CREB5: variants seen among roughly 807,000 people sequenced by gnomAD.
CREB5 encodes the protein cAMP responsive element binding protein 5, also known as cyclic AMP-responsive element-binding protein 5.
In CREB5, 19 loss-of-function variants were observed where a neutral mutation model predicts 57.1. That is an observed-to-expected ratio of 0.33 (90% CI 0.23 to 0.49). The LOEUF is 0.49. Among genes scored for constraint, CREB5 ranks in the 20% least tolerant of loss-of-function variants. The probability of loss-of-function intolerance (pLI) is 0.99; values close to 1 mark genes in which losing one functional copy is unlikely to be tolerated. For missense variants in CREB5, 579 were observed against 671.6 expected (o/e 0.86, Z 1.52); for synonymous variants, 238 against 238.3 (o/e 1.00, Z 0.01).
intron 1 of CREB5, among the ~76,000 whole-genome samples, chr7:28,396,523 A>G (rs867909361): frequency 1.6e-4 from 24 of 152,328 alleles, no homozygotes; most frequent in African/African-American, 5.3e-4. Flanking sequence ...TTCATAAACT[A>G]GTAATATAAT....
chr7:28,507,479 T>C, intron 3 of CREB5, 137 bp from the exon 4 acceptor site: 3 of 1,028,514 alleles, frequency 2.9e-6, no homozygotes, highest in Non-Finnish European at 4.1e-6. Context: ...GTTATGTTAT[T>C]TAAAGGGCCA....
rs1554293251 is a variant in CREB5, at chr7:28,735,113, T to TTTG, written c.702+10783_702+10784insGTT. Among the ~76,000 whole-genome samples, 1,148 of 152,082 alleles carry TTTG rather than the reference T, an allele frequency of 7.5e-3. 11 individuals are homozygous for TTTG. Among genetic ancestry groups the TTTG allele is most frequent in the African/African-American group, 0.027 (1,102 of 41,484 alleles). ...AAATACACTTAATCGTTTTGGTTTT[T>TTTG]TTTGTTTTTTTGTGTGTGGATTTTT... On this transcript the variant is annotated intron_variant, in intron 7 of 10. Coordinates refer to ENST00000357727, the MANE Select transcript of CREB5 (RefSeq NM_182898.4).
chr7:28,773,902 C>G (rs1806476305), intron 7 of CREB5, among the ~76,000 whole-genome samples: 1 of 152,164 alleles, frequency 6.6e-6, no homozygotes, highest in Non-Finnish European at 1.5e-5. Context: ...CATTTCAGTT[C>G]CCATGCCAAC....
At chr7:28,321,123 G>A (rs1785488429) in intron 1 of CREB5, among the ~76,000 whole-genome samples, 1 of 152,180 alleles carries the variant, frequency 6.6e-6, no homozygotes, top group African/African-American at 2.4e-5. Flanking sequence ...AAACACGCTA[G>A]AGCATGTAAA....
At chr7:28,672,581 A>G (rs1800104119) in intron 5 of CREB5, among the ~76,000 whole-genome samples, 1 of 152,200 alleles carries the variant, frequency 6.6e-6, no homozygotes, top group African/African-American at 2.4e-5. Flanking sequence ...GTTAACGGGA[A>G]ATGCCCTGGG....
chr7:28,520,837 CT>C (rs1461811293), intron 4 of CREB5, among the ~76,000 whole-genome samples: 1 of 152,200 alleles, frequency 6.6e-6, no homozygotes, highest in Admixed American at 6.5e-5. Flanking sequence ...TGCACTTTTG[CT>C]TTATTTATGA....
intron 5 of CREB5, among the ~76,000 whole-genome samples, chr7:28,634,459 A>G (rs986273023): frequency 6.6e-6 from 1 of 152,176 alleles, no homozygotes; most frequent in Non-Finnish European, 1.5e-5. Context: ...TCTTTTTTAA[A>G]AAATTATGAT....
At chr7:28,429,172 A>C (rs1407811106) in intron 1 of CREB5, among the ~76,000 whole-genome samples, 1 of 151,956 alleles carries the variant, frequency 6.6e-6, no homozygotes, top group African/African-American at 2.4e-5. Flanking sequence ...GATTACAGAC[A>C]CTTGCTACCA....
chr7:28,356,208 A>G (rs1312042163), intron 1 of CREB5, among the ~76,000 whole-genome samples: 2 of 152,182 alleles, frequency 1.3e-5, no homozygotes, highest in African/African-American at 4.8e-5. Context: ...ACAATGAGTC[A>G]TTTTCTACTC....
intron 5 of CREB5, among the ~76,000 whole-genome samples, chr7:28,618,751 A>G (rs1212137453): frequency 3.9e-5 from 6 of 152,120 alleles, no homozygotes; most frequent in Non-Finnish European, 8.8e-5. Context: ...AACACCCCCA[A>G]CCCCTTGATT....
chr7:28,593,084 G>A (rs1796580471), intron 5 of CREB5, among the ~76,000 whole-genome samples: 1 of 152,178 alleles, frequency 6.6e-6, no homozygotes, highest in Admixed American at 6.5e-5. Flanking sequence ...AGGGCACATG[G>A]CATAAGCCTC....
At chr7:28,468,134 C>T (rs1260075741) in intron 1 of CREB5, among the ~76,000 whole-genome samples, 7 of 152,104 alleles carry the variant, frequency 4.6e-5, no homozygotes, top group Non-Finnish European at 1.0e-4. Flanking sequence ...AGGAATGAGC[C>T]TGTGAACGGC....
intron 1 of CREB5, among the ~76,000 whole-genome samples, chr7:28,480,598 C>T (rs2128589320): frequency 6.6e-6 from 1 of 152,174 alleles, no homozygotes; most frequent in South Asian, 2.1e-4. Context: ...ATGTTTAGTC[C>T]CATTAGAAAC....
chr7:28,469,606 C>A (rs968505086), intron 1 of CREB5, among the ~76,000 whole-genome samples: 6 of 152,118 alleles, frequency 3.9e-5, no homozygotes, highest in Non-Finnish European at 8.8e-5. Flanking sequence ...AGAAAATAAG[C>A]CATATTTACA....
intron 4 of CREB5, among the ~76,000 whole-genome samples, chr7:28,527,619 C>A (rs1400130005): frequency 2.0e-5 from 3 of 152,100 alleles, no homozygotes; most frequent in Admixed American, 1.3e-4. Context: ...GTGTTCAAGA[C>A]CAACCTGGGC....
intron 1 of CREB5, among the ~76,000 whole-genome samples, chr7:28,466,532 C>T (rs762467604): frequency 3.9e-5 from 6 of 152,174 alleles, no homozygotes; most frequent in Non-Finnish European, 7.3e-5. Context: ...ACTAAGTCAA[C>T]GGCAATAAAT....
At chr7:28,558,687 C>G (rs1381615098) in intron 4 of CREB5, among the ~76,000 whole-genome samples, 1 of 152,124 alleles carries the variant, frequency 6.6e-6, no homozygotes, top group East Asian at 1.9e-4. Context: ...GAAAGGGGGG[C>G]TTGGGCAAGG....
chr7:28,641,270 A>G (rs1431580057), intron 5 of CREB5, among the ~76,000 whole-genome samples: 1 of 152,164 alleles, frequency 6.6e-6, no homozygotes, highest in East Asian at 1.9e-4. Context: ...ATGCAGGGTC[A>G]TGACAAGGAC....
intron 7 of CREB5, among the ~76,000 whole-genome samples, chr7:28,796,143 TTTCA>T (rs574540419): frequency 4.9e-4 from 75 of 152,254 alleles, no homozygotes; most frequent in African/African-American, 1.7e-3. Context: ...TCCATAATAT[TTTCA>T]TTATCTCAAA....
Sources: gnomAD v4.1 joint callset for allele counts (sites outside exome capture counted in the v4.1 genomes callset) on GRCh38, gnomAD v4.1.1 for gene constraint, MANE v1.5 for transcripts, NCBI Gene and HGNC (gene_info 2026-07-23, HGNC 2026-07-21) for gene names.